CPED1: variants seen among roughly 807,000 people sequenced by gnomAD.
CPED1 encodes the protein cadherin-like and PC-esterase domain-containing protein 1.
Under a neutral mutation model 128.2 loss-of-function variants are expected in CPED1, and 114 were observed. The observed-to-expected ratio is 0.89, with a 90% CI of 0.76 to 1.04. The LOEUF (loss-of-function observed/expected upper bound fraction) is 1.04. Ranked by LOEUF, CPED1 falls within the 50% of genes least tolerant of loss-of-function variation. The pLI is 0.00. For synonymous variants in CPED1, 462 were observed against 426.7 expected (o/e 1.08, Z -1.02); for missense variants, 1,211 against 1,207.1 (o/e 1.00, Z -0.05).
chr7:121,256,141 A>AAAC (rs1791866950), intron 18 of CPED1, among the ~76,000 whole-genome samples: 1 of 143,494 alleles, frequency 7.0e-6, no homozygotes, highest in African/African-American at 2.6e-5. Context: ...AAAAAAAAAA[A>AAAC]CAAAGCTTAT....
chr7:121,185,943 T>G (rs1033701337), intron 16 of CPED1, among the ~76,000 whole-genome samples: 1 of 152,208 alleles, frequency 6.6e-6, no homozygotes, highest in African/African-American at 2.4e-5. Flanking sequence ...TTTTAAATGT[T>G]TTGCAAACAA....
intron 5 of CPED1, among the ~76,000 whole-genome samples, chr7:121,079,876 C>T (rs568579090): frequency 6.8e-4 from 103 of 152,332 alleles, no homozygotes; most frequent in African/African-American, 2.4e-3. Context: ...TGCCAAATGC[C>T]ACTAGAAATT....
At chr7:121,277,030 G>T (rs1160907458) in intron 22 of CPED1, among the ~76,000 whole-genome samples, 1 of 151,998 alleles carries the variant, frequency 6.6e-6, no homozygotes, top group East Asian at 1.9e-4. Context: ...TAGAAGTCAG[G>T]TGAGAGATTG....
intron 4 of CPED1, among the ~76,000 whole-genome samples, chr7:121,053,554 T>G (rs1332740633): frequency 6.6e-6 from 1 of 152,208 alleles, no homozygotes; most frequent in African/African-American, 2.4e-5. Context: ...GTTTGTTGGA[T>G]TTTTCCCCAT....
intron 5 of CPED1, among the ~76,000 whole-genome samples, chr7:121,068,278 A>T (rs955568277): frequency 6.6e-6 from 1 of 152,108 alleles, no homozygotes; most frequent in Non-Finnish European, 1.5e-5. Context: ...ATCCATCTTC[A>T]ATTAATTTTT....
chr7:120,995,945 T>C lies in CPED1; in HGVS notation c.249+6075T>C, dbSNP rs973787717. 2.0e-4 allele frequency among the ~76,000 whole-genome samples: 30 copies of C among 147,594 alleles called. No homozygotes were observed. In the South Asian group the frequency reaches 4.1e-3, roughly 20 times the overall value. ...TCCTCCTCCTTCTCCTCCTCCTTCTTCTCCTCCTCCTCCTCCTCCTCCTCC... is the reference window on the plus strand; with the variant it reads ...TCCTCCTCCTTCTCCTCCTCCTTCTCCTCCTCCTCCTCCTCCTCCTCCTCC... On this transcript the variant is annotated intron_variant, in intron 2 of 22. Transcript: ENST00000310396.
intron 18 of CPED1, among the ~76,000 whole-genome samples, chr7:121,265,699 C>T (rs1792108123): frequency 6.6e-6 from 1 of 151,998 alleles, no homozygotes; most frequent in Non-Finnish European, 1.5e-5. Flanking sequence ...GGGTAAGAGG[C>T]TTCATTGGAG....
intron 7 of CPED1, among the ~76,000 whole-genome samples, chr7:121,107,307 G>A (rs1433156826): frequency 6.6e-6 from 1 of 151,588 alleles, no homozygotes; most frequent in African/African-American, 2.4e-5. Context: ...AATATCTTCT[G>A]ATGACAGGAA....
At chr7:121,256,110 G>GAAAAAAA (rs1791855548) in intron 18 of CPED1, among the ~76,000 whole-genome samples, 1 of 28,772 alleles carries the variant, frequency 3.5e-5, no homozygotes, top group Non-Finnish European at 6.7e-5. Context: ...GCAATCCTAA[G>GAAAAAAA]CAAAAAAAAA....
rs77112959 is a variant in CPED1 at position 121,079,894 on chromosome 7, A to G, written c.616+15581A>G. Among the ~76,000 whole-genome samples the G allele has an allele frequency of 6.8e-3, 1,040 of 152,358 alleles. 14 individuals carry two copies. The highest frequency in any genetic ancestry group is 0.023 in the African/African-American group (941 of 41,592). ...CAAATGCCACTAGAAATTAGAGGCA[A>G]CATTGGGTAACACGCTGATAATTTG... is the stretch of plus-strand genomic sequence containing the variant. On this transcript the variant is annotated intron_variant, in intron 5 of 22. Coordinates refer to ENST00000310396, the MANE Select transcript of CPED1 (RefSeq NM_024913.5).
intron 8 of CPED1, among the ~76,000 whole-genome samples, chr7:121,124,801 A>C (rs532462720): frequency 2.0e-4 from 30 of 152,346 alleles, no homozygotes; most frequent in African/African-American, 7.2e-4. Flanking sequence ...GTATAATTTT[A>C]CTTATACATA....
At chr7:121,090,962 TA>T (rs369642855) in intron 5 of CPED1, among the ~76,000 whole-genome samples, 2,081 of 145,742 alleles carry the variant, frequency 0.014, 43 homozygotes, top group African/African-American at 0.047. Context: ...AAAATAAAAA[TA>T]AAAAAAAAAG....
At chr7:121,228,250 G>A (rs1271497941) in intron 16 of CPED1, among the ~76,000 whole-genome samples, 4 of 151,760 alleles carry the variant, frequency 2.6e-5, no homozygotes, top group Non-Finnish European at 1.5e-5. Flanking sequence ...TCCTGATGGG[G>A]GACTAATATC....
rs574273394 is a variant in CPED1, at chr7:121,038,887, G to A, written c.434-8000G>A. Among the ~76,000 whole-genome samples the A allele has an allele frequency of 3.9e-5, 6 of 152,096 alleles. 1 individual carries two copies. The South Asian group carries it at 6.2e-4, about 16-fold the overall frequency. On this transcript the variant is annotated intron_variant, in intron 3 of 22. Transcript: ENST00000310396. ...GAAGGAGTGTGAACACAGAGATAAA[G>A]CATCATCCTTATCATGTCATGTCAA...
At chr7:121,176,574 C>T (rs6971407) in intron 16 of CPED1, among the ~76,000 whole-genome samples, 78,903 of 151,742 alleles carry the variant, frequency 0.52, 20,915 homozygotes, top group East Asian at 0.84. Context: ...GATTTATTAG[C>T]CATGATTAAA....
intron 22 of CPED1, among the ~76,000 whole-genome samples, chr7:121,275,813 T>G (rs997312845): frequency 3.3e-5 from 5 of 151,854 alleles, no homozygotes; most frequent in African/African-American, 1.2e-4. Context: ...TATATAATCT[T>G]AATTAAATAA....
At chr7:121,061,132 T>G (rs1986767) in intron 4 of CPED1, 1 of 281,140 alleles carries the variant, frequency 3.6e-6, no homozygotes, top group Admixed American at 6.5e-5. Context: ...ACACTCACTG[T>G]GAGGGTCCGC....
chr7:121,217,352 A>C (rs1797780935), intron 16 of CPED1, among the ~76,000 whole-genome samples: 1 of 152,052 alleles, frequency 6.6e-6, no homozygotes, highest in Admixed American at 6.6e-5. Context: ...TCCATAAAAA[A>C]TGTAGTGGAC....
intron 16 of CPED1, among the ~76,000 whole-genome samples, chr7:121,218,479 G>A (rs1252597532): frequency 2.6e-5 from 4 of 151,982 alleles, no homozygotes; most frequent in Non-Finnish European, 5.9e-5. Context: ...ATGTGGGACA[G>A]TCCATCCATG....
Sources: allele counts gnomAD v4.1 joint callset (sites outside exome capture counted in the v4.1 genomes callset), GRCh38; gene constraint gnomAD v4.1.1; transcripts MANE v1.5; gene names NCBI Gene and HGNC (gene_info 2026-07-23, HGNC 2026-07-21).